Variants in TXNRD2 observed in about 807,000 individuals in gnomAD.
The protein encoded by TXNRD2 is thioredoxin reductase 2.
In TXNRD2, 67 loss-of-function variants were observed where a neutral mutation model predicts 70.8. That is an observed-to-expected ratio of 0.95 (90% confidence interval 0.78 to 1.16). The LOEUF (loss-of-function observed/expected upper bound fraction) is 1.16, where lower values mean the gene tolerates loss of function less well. Among genes scored for constraint, TXNRD2 ranks in the 50% most tolerant of loss-of-function variants. The pLI, the probability that TXNRD2 is intolerant of heterozygous loss-of-function variation, is 0.00. For synonymous variants in TXNRD2, 301 were observed against 295.8 expected (o/e 1.02, Z -0.18); for missense variants, 644 against 719.9 (o/e 0.89, Z 1.21).
In TXNRD2 at chr22:19,882,605, C is replaced by A. The variant is rs558552201; in HGVS notation, c.1086+720G>T. On this transcript the variant is annotated intron_variant, in intron 12 of 17. Coordinates refer to ENST00000400521, the MANE Select transcript of TXNRD2 (RefSeq NM_006440.5). ...GTGATTTGGTACCACAGCCCCAGGA[C>A]GCAGACACTGACAGGTCTCGCTACA... Among the ~76,000 whole-genome samples, 5 of 152,304 alleles carry A rather than the reference C, an allele frequency of 3.3e-5. 1 individual carries two copies. The South Asian group carries it at 1.0e-3, about 32-fold the overall frequency.
At chr22:19,900,535 G>A (rs1939726590) in intron 8 of TXNRD2, among the ~76,000 whole-genome samples, 1 of 152,170 alleles carries the variant, frequency 6.6e-6, no homozygotes, top group East Asian at 1.9e-4. Context: ...CAGATCACGA[G>A]GTCAGGAGAT....
At chr22:19,879,900 C>T (rs1938683790) in intron 14 of TXNRD2, among the ~76,000 whole-genome samples, 1 of 152,130 alleles carries the variant, frequency 6.6e-6, no homozygotes, top group South Asian at 2.1e-4. Context: ...TTCTCCTTGC[C>T]CTCAGAACAA....
chr22:19,896,315 A>G (rs1375911205), intron 10 of TXNRD2, among the ~76,000 whole-genome samples: 1 of 141,390 alleles, frequency 7.1e-6, no homozygotes, highest in Non-Finnish European at 1.5e-5. Context: ...AAAAAAAGAA[A>G]GAAAAAAAAG....
Position 19,898,160 on chromosome 22 carries a change from G to C in TXNRD2, c.683-30C>G, listed in dbSNP as rs755597175. On this transcript the variant is annotated intron_variant, in intron 9 of 17. Transcript: ENST00000400521. ...GGGGTGCCAGCTAAGGAGCACTGTA[G>C]ATCCCAATTTTGGAAATGATGGGAC... 2.6e-6 allele frequency: 4 copies of C among 1,546,880 alleles called. No homozygotes were observed. The South Asian group carries it at 3.6e-5, about 14-fold the overall frequency.
chr22:19,918,070 A>C, intron 5 of TXNRD2, 73 bp downstream of exon 5: 1 of 1,276,760 alleles, frequency 7.8e-7, no homozygotes. Context: ...ACAGTAAGTA[A>C]GTGTGTGTCC....
chr22:19,918,377 C>T (rs143316142), intron 4 of TXNRD2, among the ~76,000 whole-genome samples, 160 bp from the exon 5 acceptor site: 65 of 152,354 alleles, frequency 4.3e-4, no homozygotes, highest in African/African-American at 1.5e-3. Context: ...TACGTGCAAC[C>T]GCCTGTCCCA....
At chr22:19,903,116 GC>G (rs1939851480) in intron 8 of TXNRD2, 6 of 493,920 alleles carry the variant, frequency 1.2e-5, no homozygotes, top group South Asian at 8.7e-5. Flanking sequence ...GCTGGCTGCA[GC>G]CCCTCCCCCA....
rs1307158751 is a variant in TXNRD2 at position 19,909,912 on chromosome 22, A to T, written c.662+1465T>A. On this transcript the variant is annotated intron_variant, in intron 8 of 17. Transcript: ENST00000400521. ...TCACACACACACACACCACACACCC[A>T]CACCCTTCACACACACACACCACTC... Among the ~76,000 whole-genome samples the T allele has an allele frequency of 1.1e-3, 51 of 46,300 alleles. No individual in the cohort carries two copies. In the Admixed American group the frequency reaches 0.011, roughly 10 times the overall value. 30.4% of individuals were successfully genotyped at this position (46,300 alleles called of 152,430 possible).
chr22:19,918,343 G>T, intron 4 of TXNRD2, 126 bp from the exon 5 acceptor site: 1 of 865,886 alleles, frequency 1.2e-6, no homozygotes, highest in Non-Finnish European at 1.8e-6. Context: ...GCTTTTAAAG[G>T]TGGCAAAACG....
chr22:19,936,804 T>C (rs1941553310), intron 1 of TXNRD2, among the ~76,000 whole-genome samples: 1 of 152,142 alleles, frequency 6.6e-6, no homozygotes, highest in Non-Finnish European at 1.5e-5. Context: ...TACATACTTT[T>C]CCTGTCACTT....
chr22:19,899,363 A>G (rs1032536115), intron 8 of TXNRD2, among the ~76,000 whole-genome samples: 2 of 152,220 alleles, frequency 1.3e-5, no homozygotes, highest in African/African-American at 4.8e-5. Flanking sequence ...AGAGCAGCAC[A>G]TGGCTTTCCT....
At chr22:19,901,556 T>C (rs898438097) in intron 8 of TXNRD2, among the ~76,000 whole-genome samples, 4 of 152,210 alleles carry the variant, frequency 2.6e-5, no homozygotes, top group African/African-American at 9.6e-5. Context: ...CTCCCCGCAT[T>C]GATCAAATTA....
chr22:19,912,122 C>T (rs1221883159), intron 7 of TXNRD2, among the ~76,000 whole-genome samples: 1 of 152,146 alleles, frequency 6.6e-6, no homozygotes, highest in Non-Finnish European at 1.5e-5. Flanking sequence ...AGAAATCATA[C>T]AGGTCACCTG....
At chr22:19,877,391 G>A (rs1319289920) in intron 16 of TXNRD2, among the ~76,000 whole-genome samples, 157 bp from the exon 17 acceptor site, 1 of 151,992 alleles carries the variant, frequency 6.6e-6, no homozygotes, top group Middle Eastern at 3.2e-3. Context: ...ACACCCGTGG[G>A]TGCCATCCAC....
chr22:19,879,406 T>A (rs1217537153), intron 14 of TXNRD2, among the ~76,000 whole-genome samples: 1 of 151,754 alleles, frequency 6.6e-6, no homozygotes, highest in East Asian at 2.0e-4. Flanking sequence ...AGCCCCCGCA[T>A]CCCTCCAGGC....
chr22:19,880,681 C>G lies in TXNRD2; in HGVS notation c.1123G>C (p.Gly375Arg), dbSNP rs757239766. 10 of 1,613,216 alleles carry G rather than the reference C, an allele frequency of 6.2e-6. No individual in the cohort carries two copies. Among genetic ancestry groups the G allele is most frequent in the South Asian group, 2.2e-5 (2 of 91,084 alleles). ...AAGAGCCGCTGCACCAGGAGCCTCCCGGCCATGATCGCTATGGGTGTCAGC... is the reference window on the plus strand; with the variant it reads ...AAGAGCCGCTGCACCAGGAGCCTCCGGGCCATGATCGCTATGGGTGTCAGC... ...PELTPIAIMAGRLLVQRLFGG... is the reference protein window; with the variant it reads ...PELTPIAIMARRLLVQRLFGG... Residue 375 changes from glycine to arginine, a missense_variant, in exon 13 of 18, where the codon GGG (glycine) becomes CGG (arginine). This residue lies in a region of TXNRD2 where 566 missense variants were observed against 645.0 expected (regional missense o/e 0.88). Coordinates refer to ENST00000400521, the MANE Select transcript of TXNRD2 (RefSeq NM_006440.5).
rs764760924 is a variant in TXNRD2 at position 19,918,848 on chromosome 22, C to T, written c.374+12G>A. The T allele has an allele frequency of 3.7e-6, 6 of 1,605,380 alleles. No individual in the cohort carries two copies. Among genetic ancestry groups the T allele is most frequent in the Non-Finnish European group, 5.1e-6 (6 of 1,179,788 alleles). ...AGAAAAGCACTGGAATGCCACGGCG[C>T]CAGATCCTTACCAGTCATGCGGCAC... On this transcript the variant is annotated intron_variant, in intron 4 of 17. Coordinates refer to ENST00000400521, the MANE Select transcript of TXNRD2 (RefSeq NM_006440.5).
chr22:19,880,961 G>A (rs892998549), intron 12 of TXNRD2: 20 of 588,830 alleles, frequency 3.4e-5, no homozygotes, highest in African/African-American at 1.3e-4. Flanking sequence ...AAAGGAGTCC[G>A]CTGCTGATGA....
chr22:19,879,404 C>A (rs1364235670), intron 14 of TXNRD2, among the ~76,000 whole-genome samples: 1 of 152,090 alleles, frequency 6.6e-6, no homozygotes, highest in African/African-American at 2.4e-5. Flanking sequence ...AGAGCCCCCG[C>A]ATCCCTCCAG....
Sources: gnomAD v4.1 joint callset for allele counts (sites outside exome capture counted in the v4.1 genomes callset) on GRCh38, gnomAD v4.1.1 for gene constraint, gnomAD v4.1.1 regional missense constraint, MANE v1.5 for transcripts, NCBI Gene and HGNC (gene_info 2026-07-23, HGNC 2026-07-21) for gene names.